The following PPIL2 variants were observed in gnomAD, a reference collection of about 807,000 sequenced individuals.
PPIL2 encodes the protein RING-type E3 ubiquitin-protein ligase PPIL2.
PPIL2 carries 50 observed loss-of-function variants against 75.2 expected under a neutral mutation model. The ratio of observed to expected loss-of-function variants is 0.66; its 90% CI spans 0.53 to 0.84. The LOEUF (loss-of-function observed/expected upper bound fraction) is 0.84. Ranked by LOEUF, PPIL2 falls within the 40% of genes least tolerant of loss-of-function variation. PPIL2 has a pLI of 0.00. For synonymous variants in PPIL2, 245 were observed against 258.8 expected (o/e 0.95, Z 0.51); for missense variants, 590 against 685.0 (o/e 0.86, Z 1.55).
At chr22:21,687,880 T>G in intron 13 of PPIL2, 148 bp downstream of exon 13, 2 of 1,065,764 alleles carry the variant, frequency 1.9e-6, no homozygotes, top group South Asian at 1.4e-5. Flanking sequence ...GGGGAACCCA[T>G]AGACTGACCC....
At chr22:21,689,519 TG>T in intron 15 of PPIL2, among the ~76,000 whole-genome samples, 1 of 152,218 alleles carries the variant, frequency 6.6e-6, no homozygotes, top group East Asian at 1.9e-4. Context: ...TCATTGCTCA[TG>T]TAGAGAAAAA....
rs759486243 is a variant in PPIL2, at chr22:21,688,831, A to G, written c.1121A>G (p.Asn374Ser). ...GILSMANSGPNSNRSQFFITF... is the reference protein window; with the variant it reads ...GILSMANSGPSSNRSQFFITF... ...CTCAGCATGGCCAACTCCGGGCCCA[A>G]CAGCAACAGGTCTCAATTGTGAGTC... is the stretch of plus-strand genomic sequence containing the variant. Residue 374 changes from asparagine (N) to serine (S), a missense_variant, in exon 15 of 20, where the codon AAC (asparagine) becomes AGC (serine). Coordinates refer to ENST00000398831, the MANE Select transcript of PPIL2 (RefSeq NM_014337.4). 56 of 1,614,054 alleles carry G rather than the reference A, an allele frequency of 3.5e-5. No individual in the cohort carries two copies. The African/African-American group carries it at 6.1e-4, about 18-fold the overall frequency.
At chr22:21,670,398 C>A in intron 2 of PPIL2, 168 bp from the exon 3 acceptor site, 1 of 1,478,182 alleles carries the variant, frequency 6.8e-7, no homozygotes, top group South Asian at 1.3e-5. Flanking sequence ...TTTGATGTAC[C>A]CCAAGTGTTT....
chr22:21,678,384 C>T (rs1199267708), intron 6 of PPIL2, among the ~76,000 whole-genome samples: 1 of 151,896 alleles, frequency 6.6e-6, no homozygotes, highest in Non-Finnish European at 1.5e-5. Context: ...GGCACCACCA[C>T]TGCACCCAGC....
At position 21,666,061 on chromosome 22, in the gene PPIL2, T is replaced by C. The variant is rs1268115408; in HGVS notation, c.-39T>C. The C allele has an allele frequency of 1.2e-6, 2 of 1,608,912 alleles. No individual in the cohort carries two copies. Among genetic ancestry groups the C allele is most frequent in the South Asian group, 2.2e-5 (2 of 90,636 alleles). On this transcript the variant is annotated 5_prime_UTR_variant, in exon 1 of 20. Transcript: ENST00000398831. ...CTCCATGGTCTGAGTTGTCAGCCGT[T>C]GTTTTTTCGTGCTCGCTAGTCGCCG...
chr22:21,681,226 C>T (rs545378530), intron 6 of PPIL2, 73 bp from the exon 7 acceptor site: 72 of 1,261,192 alleles, frequency 5.7e-5, no homozygotes, highest in Middle Eastern at 3.7e-4. Flanking sequence ...CTGCCCTGGC[C>T]CTCTGCGGTC....
chr22:21,676,825 G>A (rs1741467799), intron 6 of PPIL2, among the ~76,000 whole-genome samples: 1 of 152,124 alleles, frequency 6.6e-6, no homozygotes, highest in Admixed American at 6.5e-5. Context: ...TTTTCTATTC[G>A]ACAAAACCAC....
chr22:21,675,625 C>T (rs1333708365), intron 6 of PPIL2, among the ~76,000 whole-genome samples: 1 of 152,230 alleles, frequency 6.6e-6, no homozygotes, highest in African/African-American at 2.4e-5. Flanking sequence ...GTGTTGGGAA[C>T]TTCCCACAAA....
At chr22:21,686,803 C>T (rs2067384069) in intron 11 of PPIL2, 89 bp from the exon 12 acceptor site, 1 of 1,318,236 alleles carries the variant, frequency 7.6e-7, no homozygotes, top group Non-Finnish European at 1.1e-6. Context: ...AGCCTAGTCC[C>T]CGCCTGTGTG....
chr22:21,668,169 T>TC (rs34453278), intron 1 of PPIL2, among the ~76,000 whole-genome samples: 76,447 of 151,260 alleles, frequency 0.51, 21,817 homozygotes, highest in East Asian at 0.76. Flanking sequence ...AAACCCTAAG[T>TC]CCCCCCACTG....
intron 4 of PPIL2, among the ~76,000 whole-genome samples, chr22:21,671,774 G>C (rs1439756914): frequency 1.3e-5 from 2 of 152,090 alleles, no homozygotes; most frequent in Admixed American, 1.3e-4. Context: ...CATTTATGAC[G>C]GAGTGGTGGC....
rs1601613911 is a variant in PPIL2 at position 21,696,786 on chromosome 22, A to C, written c.*1296A>C. 1 of 1,548,158 alleles carries C rather than the reference A, an allele frequency of 6.5e-7. No individual in the cohort carries two copies. The highest frequency in any genetic ancestry group is 8.7e-7 in the Non-Finnish European group (1 of 1,147,246). On this transcript the variant is annotated 3_prime_UTR_variant, in exon 20 of 20. Coordinates refer to ENST00000398831, the MANE Select transcript of PPIL2 (RefSeq NM_014337.4). ...TACCTCTGCCCTTCCTTTTCTCATC[A>C]ATCACTGATGCTGAAGCTGCAGGCC...
At chr22:21,689,681 G>A (rs1045963904) in intron 15 of PPIL2, among the ~76,000 whole-genome samples, 5 of 152,152 alleles carry the variant, frequency 3.3e-5, no homozygotes, top group East Asian at 3.9e-4. Flanking sequence ...TCACGTCACC[G>A]TCACGTCACC....
At chr22:21,682,599 A>G (rs991733210) in intron 8 of PPIL2, 73 bp downstream of exon 8, 25 of 773,426 alleles carry the variant, frequency 3.2e-5, no homozygotes, top group African/African-American at 7.2e-5. Context: ...ACAGGGCCCT[A>G]CCCCCACGTC....
intron 1 of PPIL2, among the ~76,000 whole-genome samples, chr22:21,667,214 T>G (rs1381017197): frequency 7.0e-6 from 1 of 143,558 alleles, no homozygotes; most frequent in Non-Finnish European, 1.5e-5. Context: ...TAGAGTGCAA[T>G]GGTGAGATCT....
rs1036291297 is a variant in PPIL2, at chr22:21,697,082, C to T, written c.*1592C>T. The T allele has an allele frequency of 1.3e-5, 17 of 1,278,082 alleles. No individual in the cohort carries two copies. The highest frequency in any genetic ancestry group is 5.9e-5 in the African/African-American group (4 of 67,526). 79.2% of individuals were successfully genotyped at this position (1,278,082 alleles called of 1,614,324 possible). ...GGGCTCTAGAGTGACTTTTGACGCC[C>T]TCCATCCCTCCCGCCAGGCACTGTC... On this transcript the variant is annotated 3_prime_UTR_variant, in exon 20 of 20. Coordinates refer to ENST00000398831, the MANE Select transcript of PPIL2 (RefSeq NM_014337.4).
intron 15 of PPIL2, among the ~76,000 whole-genome samples, chr22:21,691,996 G>A (rs543983409): frequency 1.3e-5 from 2 of 152,164 alleles, no homozygotes; most frequent in Non-Finnish European, 2.9e-5. Flanking sequence ...TGTGGGCTGT[G>A]CCTGCCTGCA....
intron 6 of PPIL2, among the ~76,000 whole-genome samples, chr22:21,679,307 C>CA (rs1285221085): frequency 1.3e-4 from 19 of 148,434 alleles, no homozygotes; most frequent in South Asian, 2.2e-4. Flanking sequence ...ATCCCCCCAC[C>CA]AAAAAAAAAC....
At chr22:21,681,422 G>T in intron 7 of PPIL2, 32 bp downstream of exon 7, 2 of 1,549,586 alleles carry the variant, frequency 1.3e-6, no homozygotes, top group Non-Finnish European at 8.9e-7. Context: ...TGGAGACAGC[G>T]GTGGGGAGAT....
Sources: gnomAD v4.1 joint callset for allele counts (sites outside exome capture counted in the v4.1 genomes callset) on GRCh38, gnomAD v4.1.1 for gene constraint, MANE v1.5 for transcripts, NCBI Gene and HGNC (gene_info 2026-07-23, HGNC 2026-07-21) for gene names.